The following ZNF454 variants were observed in gnomAD, a reference collection of about 807,000 sequenced individuals.
ZNF454 encodes zinc finger protein 454.
Under a neutral mutation model 48.2 loss-of-function variants are expected in ZNF454, and 30 were observed. That is an observed-to-expected ratio of 0.62 (90% CI 0.47 to 0.84). ZNF454 has a LOEUF of 0.84. Among genes scored for constraint, ZNF454 ranks in the 40% least tolerant of loss-of-function variants. The pLI, the probability that ZNF454 is intolerant of heterozygous loss-of-function variation, is 0.00. For synonymous variants in ZNF454, 204 were observed against 211.4 expected (o/e 0.97, Z 0.30); for missense variants, 510 against 623.1 (o/e 0.82, Z 1.93).
the ZNF454 span, among the ~76,000 whole-genome samples, chr5:178,987,808 G>A: frequency 6.6e-6 from 1 of 151,898 alleles, no homozygotes; most frequent in African/African-American, 2.4e-5. Flanking sequence ...CGCCCAGGCT[G>A]GAGTGCAGTG....
intron 4 of ZNF454, among the ~76,000 whole-genome samples, chr5:178,958,718 A>G (rs1053318671): frequency 3.3e-5 from 5 of 152,232 alleles, no homozygotes; most frequent in African/African-American, 2.4e-5. Flanking sequence ...TTTCCATATC[A>G]ACTCTTATAC....
Position 178,961,211 on chromosome 5 carries a change from G to A in ZNF454, c.251-3444G>A, listed in dbSNP as rs371312780. On this transcript the variant is annotated intron_variant, in intron 4 of 4. Transcript: ENST00000519564. ...CCCAAAGTGCTAGGATTACAGGCAAGAGCCACCACACCTGGCCCACAATCT... is the reference window on the plus strand; with the variant it reads ...CCCAAAGTGCTAGGATTACAGGCAAAAGCCACCACACCTGGCCCACAATCT... Among the ~76,000 whole-genome samples, 42 of 151,782 alleles carry A rather than the reference G, an allele frequency of 2.8e-4. 1 individual carries two copies. Among genetic ancestry groups the A allele is most frequent in the Middle Eastern group, 3.4e-3 (1 of 294 alleles).
chr5:178,952,195 T>A (rs1306796684), intron 4 of ZNF454, among the ~76,000 whole-genome samples: 1 of 152,076 alleles, frequency 6.6e-6, no homozygotes, highest in Non-Finnish European at 1.5e-5. Flanking sequence ...CCGCCACTGC[T>A]CCCGGCTAAT....
chr5:178,958,186 G>C (rs1180667783), intron 4 of ZNF454, among the ~76,000 whole-genome samples: 5 of 152,090 alleles, frequency 3.3e-5, no homozygotes, highest in African/African-American at 1.2e-4. Context: ...AATTTTTACT[G>C]TTTAAATATA....
intron 4 of ZNF454, among the ~76,000 whole-genome samples, chr5:178,951,576 GC>G (rs1442365164): frequency 2.0e-5 from 3 of 152,130 alleles, no homozygotes; most frequent in Non-Finnish European, 2.9e-5. Flanking sequence ...TCTACAACTG[GC>G]TTTTTTCAGA....
downstream of ZNF454, among the ~76,000 whole-genome samples, chr5:178,970,071 C>A (rs185368926): frequency 1.3e-4 from 20 of 152,350 alleles, no homozygotes; most frequent in African/African-American, 4.6e-4. Context: ...TTTGTCCCTG[C>A]AGCAGACTCA....
the ZNF454 span, chr5:178,979,667 A>C: frequency 6.6e-6 from 1 of 152,250 alleles, no homozygotes. Context: ...TCTGATTCTG[A>C]ATCACAGAGT....
At chr5:178,963,196 C>A (rs2113273828) in intron 4 of ZNF454, among the ~76,000 whole-genome samples, 1 of 151,854 alleles carries the variant, frequency 6.6e-6, no homozygotes, top group Non-Finnish European at 1.5e-5. Context: ...ACATCTGATG[C>A]CTTCAGACAG....
chr5:178,978,443 A>G, the ZNF454 span: 3 of 152,238 alleles, frequency 2.0e-5, no homozygotes, highest in Admixed American at 1.3e-4. Flanking sequence ...AAGAGCAAAA[A>G]GGATAAGAAA....
rs757099671 is a variant in ZNF454, at chr5:178,964,948, G to A, written c.544G>A (p.Glu182Lys). ...QPSKNAFECS[E>K]CGKVFSKSST... The stretch of plus-strand genomic sequence containing the variant: ...TAGCAAAAATGCCTTTGAGTGTAGT[G>A]AGTGTGGAAAAGTCTTCTCTAAGAG... The change falls in exon 5 of 5, where the codon GAG becomes AAG. Residue 182 changes from glutamate (E) to lysine (K), a missense_variant. Coordinates refer to ENST00000519564, the MANE Select transcript of ZNF454 (RefSeq NM_001178089.3). 3 of 1,614,220 alleles carry A rather than the reference G, an allele frequency of 1.9e-6. No homozygotes were observed. Among genetic ancestry groups the A allele is most frequent in the South Asian group, 1.1e-5 (1 of 91,080 alleles).
At chr5:178,978,868 A>G in the ZNF454 span, 2 of 152,246 alleles carry the variant, frequency 1.3e-5, no homozygotes, top group Non-Finnish European at 2.9e-5. Flanking sequence ...AGGGGTCCAA[A>G]TAAATTGGAC....
the ZNF454 span, chr5:178,989,211 A>AGCCCCCCCCCCC: frequency 8.2e-6 from 1 of 121,720 alleles, no homozygotes; most frequent in Non-Finnish European, 1.3e-5. Context: ...CCCCCTCCCC[A>AGCCCCCCCCCCC]CCCTCACCAC....
chr5:178,959,613 C>T (rs1759914330), intron 4 of ZNF454, among the ~76,000 whole-genome samples: 1 of 148,988 alleles, frequency 6.7e-6, no homozygotes, highest in African/African-American at 2.5e-5. Context: ...AGATCATTTC[C>T]TTTTTTTTTT....
At chr5:178,985,314 C>A in the ZNF454 span, 1 of 454,636 alleles carries the variant, frequency 2.2e-6, no homozygotes, top group Non-Finnish European at 4.4e-6. Context: ...ACCTGACTGC[C>A]CCGTTTTCCT....
At chr5:178,967,746 T>TTCTTTTTC (rs1554112143), downstream of ZNF454, among the ~76,000 whole-genome samples, 4 of 136,846 alleles carry the variant, frequency 2.9e-5, no homozygotes, top group African/African-American at 1.1e-4. Flanking sequence ...CTTTTTCTTT[T>TTCTTTTTC]TTTTTTTTTT....
chr5:178,984,640 C>G, the ZNF454 span, among the ~76,000 whole-genome samples: 1 of 152,098 alleles, frequency 6.6e-6, no homozygotes, highest in African/African-American at 2.4e-5. Context: ...CAGGCCGGGA[C>G]GTAGAGGGCA....
downstream of ZNF454, chr5:178,968,968 C>T (rs1165015804): frequency 2.4e-6 from 1 of 423,714 alleles, no homozygotes; most frequent in Non-Finnish European, 4.8e-6. Context: ...GAGTTCGCCT[C>T]TCATCAGGCT....
intron 4 of ZNF454, among the ~76,000 whole-genome samples, chr5:178,950,352 T>C (rs931522763): frequency 6.6e-6 from 1 of 152,194 alleles, no homozygotes; most frequent in African/African-American, 2.4e-5. Context: ...TTTTCATCCT[T>C]ATAACCTGTG....
intron 4 of ZNF454, 127 bp from the exon 5 acceptor site, chr5:178,964,525 CTTG>C (rs527525966): frequency 1.2e-4 from 87 of 756,148 alleles, no homozygotes; most frequent in African/African-American, 9.1e-4. Flanking sequence ...TCTGTCCTTT[CTTG>C]TTGTTACTTC....
Sources: allele counts gnomAD v4.1 joint callset (sites outside exome capture counted in the v4.1 genomes callset), GRCh38; gene constraint gnomAD v4.1.1; transcripts MANE v1.5; gene names NCBI Gene and HGNC (gene_info 2026-07-23, HGNC 2026-07-21).